The following DMD variants were observed in gnomAD, a reference collection of about 807,000 sequenced individuals.
The protein encoded by DMD is dystrophin.
A neutral mutation model predicts 330.1 loss-of-function variants in DMD; 63 were observed. The observed-to-expected ratio is 0.19, with a 90% CI of 0.16 to 0.24. DMD has a LOEUF of 0.24. DMD is among the 10% of genes least tolerant of loss of function. DMD has a pLI of 1.00. For missense variants in DMD, 3,344 were observed against 2,684.1 expected (o/e 1.25, Z -5.43); for synonymous variants, 1,223 against 959.8 (o/e 1.27, Z -5.07).
chrX:31,462,240 G>A (rs929473200), intron 59 of DMD, among the ~76,000 whole-genome samples: 2 of 111,645 alleles, frequency 1.8e-5, no homozygotes, highest in Non-Finnish European at 3.8e-5. Context: ...AGCACTTTGG[G>A]AGGCTGAGGT....
In DMD at chrX:32,308,295, A is replaced by G. The variant is rs147515178; in HGVS notation, c.6117+1787T>C. On this transcript the variant is annotated intron_variant, in intron 42 of 78. Transcript: ENST00000357033. ...GTTAAAGCACAGCAATACTTACTATAGTTCTGTAATTTGATTCATGCATAT... is the reference window on the plus strand; with the variant it reads ...GTTAAAGCACAGCAATACTTACTATGGTTCTGTAATTTGATTCATGCATAT... 1.8e-4 allele frequency among the ~76,000 whole-genome samples: 20 copies of G among 111,552 alleles called. No homozygotes were observed. In the East Asian group the frequency reaches 5.6e-3, roughly 31 times the overall value.
chrX:31,502,507 A>C (rs1280165937), intron 56 of DMD, among the ~76,000 whole-genome samples: 1 of 111,251 alleles, frequency 9.0e-6, no homozygotes, highest in Non-Finnish European at 1.9e-5. Context: ...TCTAATAGCA[A>C]GCACTCCCCA....
At chrX:31,740,139 G>GA (rs901741672) in intron 51 of DMD, among the ~76,000 whole-genome samples, 10 of 109,433 alleles carry the variant, frequency 9.1e-5, no homozygotes, top group East Asian at 2.9e-4. Flanking sequence ...TCAAAGTCAA[G>GA]AAAAAAAAAG....
At chrX:32,488,875 A>G (rs2042724496) in intron 20 of DMD, among the ~76,000 whole-genome samples, 1 of 111,098 alleles carries the variant, frequency 9.0e-6, no homozygotes, top group African/African-American at 3.3e-5. Flanking sequence ...TTCAGCATTT[A>G]CAATGGTCTT....
intron 44 of DMD, among the ~76,000 whole-genome samples, chrX:32,133,985 C>G (rs1274471192): frequency 9.0e-6 from 1 of 111,606 alleles, no homozygotes; most frequent in African/African-American, 3.3e-5. Context: ...AATGAGTTTA[C>G]TGCTGATATC....
intron 60 of DMD, among the ~76,000 whole-genome samples, chrX:31,378,147 G>A (rs753655468): frequency 7.2e-5 from 8 of 111,476 alleles, no homozygotes; most frequent in Non-Finnish European, 1.5e-4. Flanking sequence ...CCTGTTTGGT[G>A]GTCTCTTCAC....
intron 2 of DMD, among the ~76,000 whole-genome samples, chrX:32,929,340 C>CT (rs1307212990): frequency 9.0e-6 from 1 of 110,960 alleles, no homozygotes; most frequent in Admixed American, 9.6e-5. Context: ...CTGAATGCTA[C>CT]TAAGCTCCCT....
chrX:33,193,692 G>A (rs1217540995), intron 1 of DMD, among the ~76,000 whole-genome samples: 2 of 112,127 alleles, frequency 1.8e-5, no homozygotes, highest in Non-Finnish European at 3.8e-5. Context: ...TGGCAGGCAG[G>A]ATGAATTGAT....
intron 2 of DMD, among the ~76,000 whole-genome samples, chrX:32,899,458 G>A (rs1243903723): frequency 9.1e-6 from 1 of 109,790 alleles, no homozygotes; most frequent in African/African-American, 3.3e-5. Context: ...GGCGGATCAC[G>A]AGATCAAGAG....
intron 11 of DMD, among the ~76,000 whole-genome samples, chrX:32,621,162 G>A (rs2057959596): frequency 9.0e-6 from 1 of 111,309 alleles, no homozygotes; most frequent in Non-Finnish European, 1.9e-5. Context: ...GTGCAGTACT[G>A]GACAACTGTG....
chrX:32,529,133 G>T (rs1456798914), intron 17 of DMD, among the ~76,000 whole-genome samples: 1 of 105,950 alleles, frequency 9.4e-6, no homozygotes, highest in Non-Finnish European at 1.9e-5. Context: ...CACTGTTTCA[G>T]CCAGGATGGT....
intron 5 of DMD, among the ~76,000 whole-genome samples, chrX:32,816,885 T>C (rs1483160043): frequency 3.6e-5 from 4 of 111,935 alleles, no homozygotes; most frequent in East Asian, 2.8e-4. Flanking sequence ...GATTCTGCCA[T>C]ATTAGACCCA....
chrX:32,684,760 G>A (rs950456861), intron 9 of DMD, among the ~76,000 whole-genome samples: 1 of 110,876 alleles, frequency 9.0e-6, no homozygotes, highest in Non-Finnish European at 1.9e-5. Flanking sequence ...TTTCGCTTTT[G>A]TCATTTTCTG....
chrX:31,571,040 C>T (rs2075783905), intron 55 of DMD, among the ~76,000 whole-genome samples: 1 of 111,552 alleles, frequency 9.0e-6, no homozygotes, highest in Non-Finnish European at 1.9e-5. Context: ...TAATTTTAAG[C>T]TTGATTAAAA....
intron 2 of DMD, among the ~76,000 whole-genome samples, chrX:32,905,203 C>T (rs1872505289): frequency 9.0e-6 from 1 of 111,441 alleles, no homozygotes; most frequent in African/African-American, 3.3e-5. Flanking sequence ...ATTAGGAACC[C>T]TATGAGCATT....
At position 33,275,033 on chromosome X, in the gene DMD, A is replaced by T. The variant is rs139583970; in HGVS notation, c.7+64226T>A. The stretch of plus-strand genomic sequence containing the variant: ...CTCTCCCGCACAATGGCATTGGGGC[A>T]AGTTTATGTCTTTGTCGTGTTGTGC... On this transcript the variant is annotated intron_variant, in intron 1 of 17. Coordinates refer to the DMD transcript ENST00000288447. Among the ~76,000 whole-genome samples the T allele has an allele frequency of 6.1e-3, 685 of 111,589 alleles. 2 individuals carry two copies. The highest frequency in any genetic ancestry group is 0.011 in the Non-Finnish European group (575 of 53,137).
At chrX:31,570,941 C>G (rs898437982) in intron 55 of DMD, among the ~76,000 whole-genome samples, 1 of 111,762 alleles carries the variant, frequency 8.9e-6, no homozygotes, top group African/African-American at 3.2e-5. Flanking sequence ...AATATTCTCA[C>G]AGCCTGGCTG....
At chrX:31,161,650 C>T (rs1602267942) in intron 74 of DMD, among the ~76,000 whole-genome samples, 1 of 111,502 alleles carries the variant, frequency 9.0e-6, no homozygotes, top group African/African-American at 3.3e-5. Context: ...CTTCTAATTT[C>T]TCCATCCCCT....
chrX:32,761,356 G>C (rs951623005), intron 7 of DMD, among the ~76,000 whole-genome samples: 1 of 111,760 alleles, frequency 8.9e-6, no homozygotes, highest in African/African-American at 3.3e-5. Flanking sequence ...AGAATTGTGT[G>C]CTTCTAGAAT....
Sources: allele counts gnomAD v4.1 joint callset (sites outside exome capture counted in the v4.1 genomes callset), GRCh38; gene constraint gnomAD v4.1.1; transcripts MANE v1.5; gene names NCBI Gene and HGNC (gene_info 2026-07-23, HGNC 2026-07-21).